The following CAMTA1 variants were observed in gnomAD, a reference collection of about 807,000 sequenced individuals.
CAMTA1 encodes calmodulin binding transcription activator 1, also known as calmodulin-binding transcription activator 1.
CAMTA1 carries 27 observed loss-of-function variants against 170.9 expected under a neutral mutation model. That is an observed-to-expected ratio of 0.16 (90% confidence interval 0.12 to 0.22). The LOEUF (loss-of-function observed/expected upper bound fraction) is 0.22. CAMTA1 is among the 10% of genes least tolerant of loss of function. The pLI is 1.00. For missense variants in CAMTA1, 1,619 were observed against 2,217.2 expected (o/e 0.73, Z 5.42); for synonymous variants, 833 against 891.5 (o/e 0.93, Z 1.17).
intron 4 of CAMTA1, among the ~76,000 whole-genome samples, chr1:7,145,032 G>A (rs931208227): frequency 1.3e-5 from 2 of 152,216 alleles, no homozygotes; most frequent in African/African-American, 2.4e-5. Flanking sequence ...GGTCCCTTTC[G>A]GTGCCTCACT....
At chr1:7,052,707 C>T (rs1706611407) in intron 3 of CAMTA1, among the ~76,000 whole-genome samples, 1 of 152,176 alleles carries the variant, frequency 6.6e-6, no homozygotes, top group Non-Finnish European at 1.5e-5. Context: ...ACCTGGTTCT[C>T]CTCCTGAGCT....
At chr1:7,305,947 C>T (rs1456382906) in intron 5 of CAMTA1, among the ~76,000 whole-genome samples, 1 of 151,872 alleles carries the variant, frequency 6.6e-6, no homozygotes, top group Non-Finnish European at 1.5e-5. Context: ...GCTTATTTTC[C>T]ATTTCTGTAT....
At position 7,680,506 on chromosome 1, in the gene CAMTA1, C is replaced by T. The variant is rs1002984922; in HGVS notation, c.2914+2773C>T. Among the ~76,000 whole-genome samples the T allele has an allele frequency of 6.6e-6, 1 of 151,116 alleles. No homozygotes were observed. Among genetic ancestry groups the T allele is most frequent in the Non-Finnish European group, 1.5e-5 (1 of 67,714 alleles). On this transcript the variant is annotated intron_variant, in intron 11 of 22. Coordinates refer to ENST00000303635, the MANE Select transcript of CAMTA1 (RefSeq NM_015215.4). The surrounding 1 kb of genome is among the most constrained non-coding windows in gnomAD (Gnocchi z 4.4). The stretch of plus-strand genomic sequence containing the variant: ...CGCGCAGCCGCAATGCGGGGCCCTT[C>T]GCGGAACTGCTGGCGGCGCCGCGCC...
chr1:7,633,037 T>C lies in CAMTA1; in HGVS notation c.511-7363T>C, dbSNP rs1190423071. Among the ~76,000 whole-genome samples, 3 of 152,186 alleles carry C rather than the reference T, an allele frequency of 2.0e-5. No individual in the cohort carries two copies. Among genetic ancestry groups the C allele is most frequent in the African/African-American group, 7.2e-5 (3 of 41,454 alleles). ...CTGCCTCACCCCCTCCTGGCAAGGT[T>C]CAGGCTAGCACTAAAGGGCCTGCTT... On this transcript the variant is annotated intron_variant, in intron 6 of 22. Coordinates refer to ENST00000303635, the MANE Select transcript of CAMTA1 (RefSeq NM_015215.4). This position sits in a 1 kb window ranked among gnomAD's most constrained non-coding sequence, Gnocchi z 4.1.
rs60692073 is a variant in CAMTA1 at position 7,564,491 on chromosome 1, C to T, written c.511-75909C>T. Among the ~76,000 whole-genome samples the T allele has an allele frequency of 1.6e-3, 243 of 152,352 alleles. 2 individuals carry two copies. The highest frequency in any genetic ancestry group is 5.5e-3 in the African/African-American group (228 of 41,590). ...CTCCCATGCCGTGGGAAAACGGGCT[C>T]CTCTGCCCTCTGTTTCCTGGGATGG... On this transcript the variant is annotated intron_variant, in intron 6 of 22. Coordinates refer to ENST00000303635, the MANE Select transcript of CAMTA1 (RefSeq NM_015215.4).
At chr1:7,755,991 T>G (rs2096928827) in intron 22 of CAMTA1, among the ~76,000 whole-genome samples, 1 of 152,176 alleles carries the variant, frequency 6.6e-6, no homozygotes. Flanking sequence ...CACGGCCAAA[T>G]AACGCTGCGT....
At chr1:7,431,237 CT>C (rs2092139754) in intron 5 of CAMTA1, among the ~76,000 whole-genome samples, 1 of 152,238 alleles carries the variant, frequency 6.6e-6, no homozygotes. Flanking sequence ...TTTCTAAGAA[CT>C]CAGAGATGTC....
chr1:7,533,906 CTTG>C (rs944523062), intron 6 of CAMTA1, among the ~76,000 whole-genome samples: 3 of 151,948 alleles, frequency 2.0e-5, no homozygotes, highest in African/African-American at 4.8e-5. Flanking sequence ...AGAGCGAGAC[CTTG>C]TCCCCCCAAA....
chr1:7,197,628 C>CCACACACACACACACA (rs3222484), intron 4 of CAMTA1, among the ~76,000 whole-genome samples: 6 of 109,876 alleles, frequency 5.5e-5, no homozygotes, highest in East Asian at 4.0e-4. Flanking sequence ...TTGTCCCCCA[C>CCACACACACACACACA]CACACACACA....
chr1:6,950,709 C>A (rs542821424), intron 3 of CAMTA1, among the ~76,000 whole-genome samples: 1 of 150,944 alleles, frequency 6.6e-6, no homozygotes, highest in Non-Finnish European at 1.5e-5. Context: ...GTCCCATGCA[C>A]CCCCACCCCC....
intron 22 of CAMTA1, among the ~76,000 whole-genome samples, chr1:7,763,285 T>C (rs1386779410): frequency 6.6e-6 from 1 of 152,228 alleles, no homozygotes; most frequent in African/African-American, 2.4e-5. Flanking sequence ...AACGACTTTC[T>C]GTAAAAAATG....
chr1:7,584,497 G>A (rs1467313161), intron 6 of CAMTA1, among the ~76,000 whole-genome samples: 1 of 152,156 alleles, frequency 6.6e-6, no homozygotes, highest in African/African-American at 2.4e-5. Flanking sequence ...AGGGAAGCCC[G>A]AGTTTGGGCC....
chr1:7,149,692 C>A (rs1243854540), intron 4 of CAMTA1, among the ~76,000 whole-genome samples: 1 of 152,192 alleles, frequency 6.6e-6, no homozygotes, highest in African/African-American at 2.4e-5. Flanking sequence ...GCTCTCCAAG[C>A]ACGGCCGTCC....
Position 6,984,838 on chromosome 1 carries a change from G to A in CAMTA1, c.235-106466G>A, listed in dbSNP as rs995862567. Reference sequence around the variant, plus strand: ...CGTCAGGTCAGCTACCTGAAGAGGCGACTTTCAGGGCCTCAAATCCAATGC... The same window carrying A: ...CGTCAGGTCAGCTACCTGAAGAGGCAACTTTCAGGGCCTCAAATCCAATGC... On this transcript the variant is annotated intron_variant, in intron 3 of 22. Coordinates refer to ENST00000303635, the MANE Select transcript of CAMTA1 (RefSeq NM_015215.4). 3.9e-5 allele frequency among the ~76,000 whole-genome samples: 6 copies of A among 152,310 alleles called. No homozygotes were observed. The East Asian group carries it at 5.8e-4, about 15-fold the overall frequency.
intron 3 of CAMTA1, among the ~76,000 whole-genome samples, chr1:7,077,001 G>C (rs1002645842): frequency 5.1e-4 from 78 of 152,314 alleles, no homozygotes; most frequent in African/African-American, 1.9e-3. Flanking sequence ...TATGAAGGCA[G>C]GTTATGAAAT....
intron 3 of CAMTA1, among the ~76,000 whole-genome samples, chr1:6,904,323 C>T (rs1431322389): frequency 1.3e-5 from 2 of 152,210 alleles, no homozygotes; most frequent in Admixed American, 6.5e-5. Context: ...CTGTCTCTCC[C>T]TCAGCCCTGG....
intron 6 of CAMTA1, among the ~76,000 whole-genome samples, chr1:7,484,823 G>C (rs954648201): frequency 6.6e-6 from 1 of 151,730 alleles, no homozygotes; most frequent in Non-Finnish European, 1.5e-5. Context: ...TGTCATGACC[G>C]TTGTGTTGTT....
intron 4 of CAMTA1, among the ~76,000 whole-genome samples, chr1:7,229,640 A>G (rs1468188024): frequency 6.6e-5 from 9 of 135,482 alleles, no homozygotes; most frequent in Non-Finnish European, 4.8e-5. Context: ...GAGAGGAGGA[A>G]GGAGAGAAGG....
At position 7,464,263 on chromosome 1, in the gene CAMTA1, G is replaced by A. The variant is rs148307447; in HGVS notation, c.439-3567G>A. Among the ~76,000 whole-genome samples, 194 of 152,192 alleles carry A rather than the reference G, an allele frequency of 1.3e-3. 3 individuals carry two copies. In the South Asian group the frequency reaches 0.018, roughly 14 times the overall value. On this transcript the variant is annotated intron_variant, in intron 5 of 22. Transcript: ENST00000303635. The stretch of plus-strand genomic sequence containing the variant: ...CCACACGCGTGTGCACCTCACACGC[G>A]GATTTATCCACGAGCCCCGGAATGT...
Sources: gnomAD v4.1 joint callset for allele counts (sites outside exome capture counted in the v4.1 genomes callset) on GRCh38, gnomAD v4.1.1 for gene constraint, Gnocchi (gnomAD v3.1) non-coding constraint, MANE v1.5 for transcripts, NCBI Gene and HGNC (gene_info 2026-07-23, HGNC 2026-07-21) for gene names.